The following RASAL2 variants were observed in gnomAD, a reference collection of about 807,000 sequenced individuals.
The protein encoded by RASAL2 is RAS protein activator like 2, also known as ras GTPase-activating protein nGAP.
Under a neutral mutation model 128.9 loss-of-function variants are expected in RASAL2, and 58 were observed. That is an observed-to-expected ratio of 0.45 (90% CI 0.36 to 0.56). RASAL2 has a LOEUF of 0.56. Among genes scored for constraint, RASAL2 ranks in the 20% least tolerant of loss-of-function variants. The probability of loss-of-function intolerance (pLI) is 0.00; values close to 1 mark genes in which losing one functional copy is unlikely to be tolerated. For missense variants in RASAL2, 1,360 were observed against 1,601.6 expected (o/e 0.85, Z 2.57); for synonymous variants, 561 against 580.8 (o/e 0.97, Z 0.49).
chr1:178,144,903 C>T lies in RASAL2; in HGVS notation c.202+50209C>T, dbSNP rs534495604. On this transcript the variant is annotated intron_variant, in intron 1 of 17. Coordinates refer to ENST00000367649, the MANE Select transcript of RASAL2 (RefSeq NM_170692.4). The stretch of plus-strand genomic sequence containing the variant: ...TCACAGCTGTCAGCTGGAATAATTG[C>T]GTACTCATACAACAGGAGTTAGGTT... Among the ~76,000 whole-genome samples, 8 of 152,248 alleles carry T rather than the reference C, an allele frequency of 5.3e-5. No individual in the cohort carries two copies. The South Asian group carries it at 1.2e-3, about 24-fold the overall frequency.
intron 1 of RASAL2, among the ~76,000 whole-genome samples, chr1:178,167,298 T>C (rs1291155247): frequency 1.3e-5 from 2 of 152,150 alleles, no homozygotes; most frequent in African/African-American, 4.8e-5. Context: ...TGATTTCTAA[T>C]TGGCTACTGT....
At chr1:178,205,149 C>T (rs892218809) in intron 1 of RASAL2, among the ~76,000 whole-genome samples, 11 of 152,154 alleles carry the variant, frequency 7.2e-5, no homozygotes, top group East Asian at 1.9e-4. Context: ...GGATTATAGG[C>T]GTACGCTTCC....
At chr1:178,464,165 A>G in intron 14 of RASAL2, 113 bp from the exon 15 acceptor site, 1 of 1,285,776 alleles carries the variant, frequency 7.8e-7, no homozygotes, top group Non-Finnish European at 1.0e-6. Flanking sequence ...AGCTAAGAGC[A>G]TTTATTAGAA....
intron 3 of RASAL2, among the ~76,000 whole-genome samples, chr1:178,326,352 T>C (rs1669039677): frequency 6.6e-6 from 1 of 152,116 alleles, no homozygotes; most frequent in Non-Finnish European, 1.5e-5. Context: ...TTATCCCTCA[T>C]AAGTGAGAAT....
At chr1:178,160,496 G>A (rs1275012322) in intron 1 of RASAL2, among the ~76,000 whole-genome samples, 2 of 152,104 alleles carry the variant, frequency 1.3e-5, no homozygotes, top group Non-Finnish European at 1.5e-5. Flanking sequence ...TTAGCGGGAC[G>A]TGGTGGCAGG....
At chr1:178,207,308 G>T (rs1210627715) in intron 1 of RASAL2, among the ~76,000 whole-genome samples, 1 of 152,014 alleles carries the variant, frequency 6.6e-6, no homozygotes, top group Non-Finnish European at 1.5e-5. Flanking sequence ...GTATCCTCAG[G>T]TCCCACATCT....
At chr1:178,169,218 G>C (rs1230234002) in intron 1 of RASAL2, among the ~76,000 whole-genome samples, 2 of 151,968 alleles carry the variant, frequency 1.3e-5, no homozygotes, top group African/African-American at 4.8e-5. Context: ...CTTTATATTT[G>C]AATATTTCCA....
intron 1 of RASAL2, among the ~76,000 whole-genome samples, chr1:178,265,625 T>C (rs780357363): frequency 1.3e-5 from 2 of 152,190 alleles, no homozygotes; most frequent in Non-Finnish European, 2.9e-5. Flanking sequence ...AGTAAACTTT[T>C]TATGAAAGGA....
In RASAL2 at chr1:178,199,087, C is replaced by T. The variant is rs544672255; in HGVS notation, c.203-84477C>T. 2.7e-4 allele frequency among the ~76,000 whole-genome samples: 41 copies of T among 152,304 alleles called. 3 individuals are homozygous for T. In the South Asian group the frequency reaches 7.0e-3, roughly 26 times the overall value. ...CTGGGACTAGCAGTGAACAAGGCTT[C>T]GTGGGCGTGGGACCCGCTGAGCCAG... On this transcript the variant is annotated intron_variant, in intron 1 of 17. Transcript: ENST00000367649.
intron 3 of RASAL2, among the ~76,000 whole-genome samples, chr1:178,310,414 T>A (rs1302579994): frequency 1.3e-5 from 2 of 152,168 alleles, no homozygotes; most frequent in African/African-American, 2.4e-5. Context: ...ATTTGAACAT[T>A]TTCCTGATTT....
At chr1:178,452,357 C>G in intron 10 of RASAL2, 59 bp from the exon 11 acceptor site, 1 of 1,432,390 alleles carries the variant, frequency 7.0e-7, no homozygotes, top group Non-Finnish European at 9.8e-7. Context: ...GGTGGAATCA[C>G]TTGTGCTTGT....
At position 178,241,145 on chromosome 1, in the gene RASAL2, G is replaced by T. The variant is rs1028341089; in HGVS notation, c.203-42419G>T. Reference sequence around the variant, plus strand: ...TGAATATTTAGGTTTTGACATTTATGCTTCTTTCTGGTGTGCTATATAATT... The same window carrying T: ...TGAATATTTAGGTTTTGACATTTATTCTTCTTTCTGGTGTGCTATATAATT... On this transcript the variant is annotated intron_variant, in intron 1 of 17. Transcript: ENST00000367649. Among the ~76,000 whole-genome samples, 4 of 151,954 alleles carry T rather than the reference G, an allele frequency of 2.6e-5. 1 individual carries two copies. The highest frequency in any genetic ancestry group is 5.9e-5 in the Non-Finnish European group (4 of 67,940).
intron 2 of RASAL2, among the ~76,000 whole-genome samples, chr1:178,298,260 T>C (rs755356034): frequency 2.0e-5 from 3 of 152,192 alleles, no homozygotes; most frequent in Non-Finnish European, 2.9e-5. Context: ...TTGTGAAGTT[T>C]TATATTACAG....
intron 1 of RASAL2, among the ~76,000 whole-genome samples, chr1:178,141,669 G>A (rs1250369000): frequency 6.6e-6 from 1 of 152,122 alleles, no homozygotes; most frequent in Non-Finnish European, 1.5e-5. Context: ...CTCGGGAGGA[G>A]TGCCTTCGAT....
intron 1 of RASAL2, among the ~76,000 whole-genome samples, chr1:178,231,025 CT>C (rs1663986543): frequency 6.6e-6 from 1 of 152,142 alleles, no homozygotes; most frequent in Non-Finnish European, 1.5e-5. Flanking sequence ...GCCATTTTGC[CT>C]TTTGTGTGCA....
intron 3 of RASAL2, among the ~76,000 whole-genome samples, chr1:178,364,549 C>T (rs2102491086): frequency 6.6e-6 from 1 of 152,268 alleles, no homozygotes; most frequent in Middle Eastern, 3.4e-3. Flanking sequence ...TACATTTGAT[C>T]TATTATTATT....
At chr1:178,268,187 C>A (rs1666068250) in intron 1 of RASAL2, among the ~76,000 whole-genome samples, 1 of 151,908 alleles carries the variant, frequency 6.6e-6, no homozygotes, top group African/African-American at 2.4e-5. Context: ...TAAAAATTAG[C>A]AGCTGGGCGC....
intron 3 of RASAL2, among the ~76,000 whole-genome samples, chr1:178,347,875 A>G (rs758940025): frequency 2.0e-5 from 3 of 152,250 alleles, no homozygotes; most frequent in Non-Finnish European, 4.4e-5. Flanking sequence ...AGCACTATTT[A>G]TAACAGCTAA....
At chr1:178,203,903 G>T (rs1405623847) in intron 1 of RASAL2, among the ~76,000 whole-genome samples, 1 of 152,180 alleles carries the variant, frequency 6.6e-6, no homozygotes, top group Non-Finnish European at 1.5e-5. Context: ...CCCAATCCAG[G>T]CAAGACTACA....
Sources: allele counts gnomAD v4.1 joint callset (sites outside exome capture counted in the v4.1 genomes callset), GRCh38; gene constraint gnomAD v4.1.1; transcripts MANE v1.5; gene names NCBI Gene and HGNC (gene_info 2026-07-23, HGNC 2026-07-21).